The following MSRB1 variants were observed in gnomAD, a reference collection of about 807,000 sequenced individuals.
The protein encoded by MSRB1 is methionine sulfoxide reductase B1, also known as methionine-R-sulfoxide reductase B1.
In MSRB1, 13 loss-of-function variants were observed where a neutral mutation model predicts 15.2. The ratio of observed to expected loss-of-function variants is 0.86; its 90% CI spans 0.56 to 1.36. The LOEUF (loss-of-function observed/expected upper bound fraction) is 1.36. Among genes scored for constraint, MSRB1 ranks in the 40% most tolerant of loss-of-function variants. The pLI is 0.00. For synonymous variants in MSRB1, 68 were observed against 64.5 expected, an observed-to-expected ratio of 1.05 and a Z score of -0.26; for missense variants, 174 against 155.9, an observed-to-expected ratio of 1.12 and a Z score of -0.62.
At position 1,938,982 on chromosome 16, in the gene MSRB1, G is replaced by A; in HGVS notation, c.*130C>T. On this transcript the variant is annotated 3_prime_UTR_variant, in exon 4 of 4. Coordinates refer to ENST00000361871, the MANE Select transcript of MSRB1 (RefSeq NM_016332.4). ...GTCTTGTTCAGAGCCGGGGCCTTGG[G>A]AGTGTCCTGATGTTTCAACCACTGC... 1 of 1,184,608 alleles carries A rather than the reference G, an allele frequency of 8.4e-7. No homozygotes were observed. Among genetic ancestry groups the A allele is most frequent in the Non-Finnish European group, 1.2e-6 (1 of 815,014 alleles). 73.4% of individuals were successfully genotyped at this position (1,184,608 alleles called of 1,614,324 possible). A position where few individuals can be genotyped will look rare whatever the true frequency, so the allele number is the denominator to read the frequency against.
rs755400235 is a variant in MSRB1, at chr16:1,941,403, C to T, written c.58G>A (p.Val20Ile). 54 of 1,610,370 alleles carry T rather than the reference C, an allele frequency of 3.4e-5. No individual in the cohort carries two copies. The Middle Eastern group carries it at 8.2e-4, about 25-fold the overall frequency. Residue 20 changes from valine (V) to isoleucine (I), a missense_variant and splice_region_variant, in exon 2 of 4, where the codon GTT (valine) becomes ATT (isoleucine). Transcript: ENST00000361871. The part of the protein sequence containing the change: ...EVFQNHFEPG[V>I]YVCAKCGYEL... ...TAGCCACACTTGGCACACACGTAAA[C>T]GCCTGTGGTGGAAGGAGAGGCAAAT...
At chr16:1,942,605 C>T (rs1002623251) in intron 1 of MSRB1, among the ~76,000 whole-genome samples, 2 of 152,254 alleles carry the variant, frequency 1.3e-5, no homozygotes, top group Non-Finnish European at 2.9e-5. Flanking sequence ...ACATTCTATG[C>T]TTGCCAGACT....
rs935682099 is a variant in MSRB1 at position 1,938,835 on chromosome 16, T to C, written c.*277A>G. Reference sequence around the variant, plus strand: ...CCAGCTGCACCCAGGGCTCACCTCCTGGAGGCACCTAGAGTGAGCAGGGGG... The same window carrying C: ...CCAGCTGCACCCAGGGCTCACCTCCCGGAGGCACCTAGAGTGAGCAGGGGG... On this transcript the variant is annotated 3_prime_UTR_variant, in exon 4 of 4. Transcript: ENST00000361871. 3 of 538,632 alleles carry C rather than the reference T, an allele frequency of 5.6e-6. No homozygotes were observed. Among genetic ancestry groups the C allele is most frequent in the African/African-American group, 4.0e-5 (2 of 50,150 alleles). 33.4% of individuals were successfully genotyped at this position (538,632 alleles called of 1,614,324 possible). A position where few individuals can be genotyped will look rare whatever the true frequency, so the allele number is the denominator to read the frequency against.
chr16:1,943,179 G>T lies in MSRB1; in HGVS notation c.-23C>A. The T allele has an allele frequency of 6.4e-7, 1 of 1,552,524 alleles. No individual in the cohort carries two copies. The highest frequency in any genetic ancestry group is 8.7e-7 in the Non-Finnish European group (1 of 1,148,178). On this transcript the variant is annotated 5_prime_UTR_variant, in exon 1 of 4. Transcript: ENST00000361871. ...CATGGCGCCACCGGAACCGCAGCGC[G>T]CTTGCCGCTGCCAACTGACCAAAGG...
Position 1,940,894 on chromosome 16 carries a change from T to C in MSRB1, c.205-2A>G, listed in dbSNP as rs779130498. 2.5e-6 allele frequency: 4 copies of C among 1,614,014 alleles called. No homozygotes were observed. The highest frequency in any genetic ancestry group is 3.3e-5 in the Admixed American group (2 of 60,002). On this transcript the variant is annotated splice_acceptor_variant, in intron 2 of 3. Transcript: ENST00000361871. LOFTEE classifies it high-confidence loss of function. ...ATTGCCACACTTGCCACAGGACACC[T>C]GGAAAGATCACAAGGCAGCTGGGTG...
intron 1 of MSRB1, among the ~76,000 whole-genome samples, chr16:1,942,733 C>G (rs1209995550): frequency 6.6e-6 from 1 of 152,256 alleles, no homozygotes; most frequent in Non-Finnish European, 1.5e-5. Context: ...CTGGCCTCTC[C>G]GAAGCCCCGA....
chr16:1,941,533 C>G (rs2083077510), intron 1 of MSRB1, 128 bp from the exon 2 acceptor site: 1 of 1,308,936 alleles, frequency 7.6e-7, no homozygotes. Context: ...GCTCCTTCCC[C>G]AGGCACCCGC....
At chr16:1,940,674 G>A (rs901876321) in intron 3 of MSRB1, 104 bp downstream of exon 3, 20 of 1,354,300 alleles carry the variant, frequency 1.5e-5, no homozygotes, top group Non-Finnish European at 2.0e-5. Context: ...TGACTTGGTG[G>A]CCCCATACCT....
At position 1,943,160 on chromosome 16, in the gene MSRB1, G is replaced by A; in HGVS notation, c.-4C>T. 7.7e-6 allele frequency: 12 copies of A among 1,558,562 alleles called. No homozygotes were observed. The highest frequency in any genetic ancestry group is 1.0e-5 in the Non-Finnish European group (12 of 1,151,368). ...CGAAGAAGCTGCAGAACGACATGGCGCCACCGGAACCGCAGCGCGCTTGCC... is the reference window on the plus strand; with the variant it reads ...CGAAGAAGCTGCAGAACGACATGGCACCACCGGAACCGCAGCGCGCTTGCC... On this transcript the variant is annotated 5_prime_UTR_variant, in exon 1 of 4. Transcript: ENST00000361871.
intron 1 of MSRB1, chr16:1,941,928 C>T (rs548524146): frequency 6.5e-6 from 1 of 154,314 alleles, no homozygotes; most frequent in Non-Finnish European, 1.4e-5. Flanking sequence ...AGAGAAAAGG[C>T]CTCCAGGCCA....
chr16:1,940,002 T>TGGC (rs2083066048), intron 3 of MSRB1, among the ~76,000 whole-genome samples: 1 of 150,782 alleles, frequency 6.6e-6, no homozygotes, highest in Admixed American at 6.6e-5. Context: ...CTGGGCGTGG[T>TGGC]GGCTCATGCC....
At chr16:1,941,726 G>A in intron 1 of MSRB1, 2 of 347,460 alleles carry the variant, frequency 5.8e-6, no homozygotes, top group Non-Finnish European at 1.1e-5. Context: ...AGGAACCTGG[G>A]TAGTCCAATG....
chr16:1,941,044 C>T (rs765645165), intron 2 of MSRB1, 152 bp from the exon 3 acceptor site: 19 of 1,551,968 alleles, frequency 1.2e-5, no homozygotes, highest in Admixed American at 5.9e-5. Context: ...TCCTGGAGCC[C>T]GTACAGGAAA....
chr16:1,940,926 T>G, intron 2 of MSRB1, 34 bp from the exon 3 acceptor site: 1 of 1,613,614 alleles, frequency 6.2e-7, no homozygotes, highest in Non-Finnish European at 8.5e-7. Context: ...GGTGAGCTTC[T>G]GGCCATGATA....
At position 1,938,643 on chromosome 16, in the gene MSRB1, C is replaced by T. The variant is rs2083054871; in HGVS notation, c.*469G>A. On this transcript the variant is annotated 3_prime_UTR_variant, in exon 4 of 4. Transcript: ENST00000361871. ...GATCATGCAGTGACCAGGGCCAGGG[C>T]GGCTGGCAGGGGCGGCCTCCGTTTC... 9.5e-6 allele frequency: 2 copies of T among 209,664 alleles called. No homozygotes were observed. The highest frequency in any genetic ancestry group is 1.9e-3 in the Middle Eastern group (1 of 514). The allele number at this position is 209,664 out of a possible 1,614,324, so 13.0% of individuals were successfully genotyped here.
rs966214138 is a variant in MSRB1, at chr16:1,941,513, G to A, written c.56-108C>T. ...AAGACAGCGCTGCCCCCGTTCCGAG[G>A]GTAGGCTGTGCTCCTTCCCCAGGCA... On this transcript the variant is annotated intron_variant, in intron 1 of 3. Transcript: ENST00000361871. The A allele has an allele frequency of 1.8e-4, 254 of 1,428,384 alleles. 1 individual carries two copies. The highest frequency in any genetic ancestry group is 9.8e-4 in the South Asian group (69 of 70,750). The allele number at this position is 1,428,384 out of a possible 1,614,324, so 88.5% of individuals were successfully genotyped here. A position where few individuals can be genotyped will look rare whatever the true frequency, so the allele number is the denominator to read the frequency against.
chr16:1,942,866 T>C (rs1264562454), intron 1 of MSRB1, among the ~76,000 whole-genome samples: 1 of 149,790 alleles, frequency 6.7e-6, no homozygotes, highest in Admixed American at 6.6e-5. Flanking sequence ...ACTCGAGGCC[T>C]GCCCCCTCCA....
intron 1 of MSRB1, 120 bp downstream of exon 1, chr16:1,942,982 C>A: frequency 7.3e-7 from 1 of 1,365,928 alleles, no homozygotes; most frequent in Non-Finnish European, 1.0e-6. Context: ...TTCTCCCCGG[C>A]AGCCACATTC....
rs2083055605 is a variant in MSRB1, at chr16:1,938,751, G to A, written c.*361C>T. 3.0e-6 allele frequency: 1 copy of A among 329,504 alleles called. No homozygotes were observed. Among genetic ancestry groups the A allele is most frequent in the African/African-American group, 2.2e-5 (1 of 44,522 alleles). 20.4% of individuals were successfully genotyped at this position (329,504 alleles called of 1,614,324 possible). A position where few individuals can be genotyped will look rare whatever the true frequency, so the allele number is the denominator to read the frequency against. On this transcript the variant is annotated 3_prime_UTR_variant, in exon 4 of 4. Coordinates refer to ENST00000361871, the MANE Select transcript of MSRB1 (RefSeq NM_016332.4). ...GTCTGTCTTGGAATTGGGCCTCACA[G>A]GGGAGAGTCCAGAGACAGGGCCAGG... is the stretch of plus-strand genomic sequence containing the variant.
Sources: gnomAD v4.1 joint callset for allele counts (sites outside exome capture counted in the v4.1 genomes callset) on GRCh38, gnomAD v4.1.1 for gene constraint, MANE v1.5 for transcripts, NCBI Gene and HGNC (gene_info 2026-07-23, HGNC 2026-07-21) for gene names.